The following ARID5B variants were observed in gnomAD, a reference collection of about 807,000 sequenced individuals.
ARID5B encodes the protein AT-rich interactive domain-containing protein 5B.
ARID5B carries 13 observed loss-of-function variants against 97.2 expected under a neutral mutation model. The ratio of observed to expected loss-of-function variants is 0.13; its 90% CI spans 0.09 to 0.21. The LOEUF is 0.21. ARID5B is among the 10% of genes least tolerant of loss of function. The pLI is 1.00. For synonymous variants in ARID5B, 556 were observed against 570.3 expected, an observed-to-expected ratio of 0.97 and a Z score of 0.36; for missense variants, 1,210 against 1,465.3, an observed-to-expected ratio of 0.83 and a Z score of 2.84.
Position 62,080,140 on chromosome 10 carries a change from C to T in ARID5B, c.1200-5562C>T, listed in dbSNP as rs1313288159. 3.9e-5 allele frequency among the ~76,000 whole-genome samples: 6 copies of T among 152,290 alleles called. No homozygotes were observed. In the South Asian group the frequency reaches 6.2e-4, roughly 16 times the overall value. On this transcript the variant is annotated intron_variant, in intron 8 of 9. Coordinates refer to ENST00000279873, the MANE Select transcript of ARID5B (RefSeq NM_032199.3). ...TTCATGTCAGCGTGGCTTCTTACTC[C>T]GTGGTTTGGTGCCCCAGACTTTCAG...
intron 9 of ARID5B, among the ~76,000 whole-genome samples, chr10:62,087,891 GTCTC>G (rs1181359855): frequency 6.7e-6 from 1 of 149,982 alleles, no homozygotes; most frequent in Non-Finnish European, 1.5e-5. Context: ...TTGAGACAGA[GTCTC>G]TCTCTGTCTC....
rs186239648 is a variant in ARID5B, at chr10:62,090,854, G to C, written c.1399-8G>C. 47 of 1,554,352 alleles carry C rather than the reference G, an allele frequency of 3.0e-5. No homozygotes were observed. In the African/African-American group the frequency reaches 4.3e-4, roughly 14 times the overall value. ...TTCTTCTGACTGTCTTTTGAAATAT[G>C]TTACCAGGTTTCATCAGAGCAAGAA... is the stretch of plus-strand genomic sequence containing the variant. On this transcript the variant is annotated splice_region_variant and splice_polypyrimidine_tract_variant and intron_variant, in intron 9 of 9. Coordinates refer to ENST00000279873, the MANE Select transcript of ARID5B (RefSeq NM_032199.3).
intron 4 of ARID5B, among the ~76,000 whole-genome samples, chr10:62,023,201 C>T (rs1006342186): frequency 6.6e-6 from 1 of 152,188 alleles, no homozygotes; most frequent in Admixed American, 6.5e-5. Context: ...GCTTGGTTAG[C>T]AAATAGCTGA....
In ARID5B at chr10:62,091,155, C is replaced by T. The variant is rs1022664261; in HGVS notation, c.1692C>T (p.Leu564=). 7 of 1,614,064 alleles carry T rather than the reference C, an allele frequency of 4.3e-6. No homozygotes were observed. Among genetic ancestry groups the T allele is most frequent in the Middle Eastern group, 1.6e-4 (1 of 6,084 alleles). Reference sequence around the variant, plus strand: ...TCCCTGGGGCCAGCAAACAGCCACTCACCTCTCCTAGTGCCCTGGTGGACT... The same window carrying T: ...TCCCTGGGGCCAGCAAACAGCCACTTACCTCTCCTAGTGCCCTGGTGGACT... ...ALVPGASKQP[L]TSPSALVDSK... is the part of the protein sequence containing the mutation. The change falls in exon 10 of 10, where the codon CTC becomes CTT. Residue 564 remains leucine (L), a synonymous_variant. Transcript: ENST00000279873.
intron 3 of ARID5B, among the ~76,000 whole-genome samples, chr10:61,965,222 C>T (rs1026263068): frequency 1.3e-5 from 2 of 152,052 alleles, no homozygotes; most frequent in African/African-American, 4.8e-5. Context: ...CTTGGCCCAG[C>T]CTTTATTGAA....
chr10:61,987,491 G>A (rs1589247497), intron 3 of ARID5B, among the ~76,000 whole-genome samples: 1 of 152,248 alleles, frequency 6.6e-6, no homozygotes, highest in East Asian at 1.9e-4. Context: ...TAGAAATTAA[G>A]CTGATATTCG....
Position 61,986,647 on chromosome 10 carries a change from A to G in ARID5B, c.503-13444A>G, listed in dbSNP as rs151292883. Among the ~76,000 whole-genome samples, 85 of 152,288 alleles carry G rather than the reference A, an allele frequency of 5.6e-4. 1 individual carries two copies. The highest frequency in any genetic ancestry group is 1.9e-3 in the African/African-American group (80 of 41,566). On this transcript the variant is annotated intron_variant, in intron 3 of 9. Transcript: ENST00000279873. Reference sequence around the variant, plus strand: ...GCATTAAAATGTCCATTAGCATGTTAAAGGCTCCAAGCTGTTTGTGTAACT... The same window carrying G: ...GCATTAAAATGTCCATTAGCATGTTGAAGGCTCCAAGCTGTTTGTGTAACT...
At chr10:61,956,407 G>A (rs1838392212) in intron 3 of ARID5B, among the ~76,000 whole-genome samples, 3 of 152,214 alleles carry the variant, frequency 2.0e-5, no homozygotes, top group African/African-American at 7.2e-5. Flanking sequence ...CTGGTCCCTA[G>A]TGCCAAAAAG....
At chr10:62,053,598 C>T (rs1839819302) in intron 5 of ARID5B, among the ~76,000 whole-genome samples, 4 of 152,128 alleles carry the variant, frequency 2.6e-5, no homozygotes, top group Admixed American at 2.6e-4. Flanking sequence ...GAGGCCCAGG[C>T]CTTTCATAGA....
Position 62,094,414 on chromosome 10 carries a change from A to C in ARID5B, c.*1384A>C, listed in dbSNP as rs192376022. On this transcript the variant is annotated 3_prime_UTR_variant, in exon 10 of 10. Coordinates refer to ENST00000279873, the MANE Select transcript of ARID5B (RefSeq NM_032199.3). The stretch of plus-strand genomic sequence containing the variant: ...TTGGGGATAACTGACATACTGGATT[A>C]GCCTTTTCAAAAGAAAAGTCATCCT... 8 of 230,698 alleles carry C rather than the reference A, an allele frequency of 3.5e-5. No homozygotes were observed. The Admixed American group carries it at 4.0e-4, about 11-fold the overall frequency. 14.3% of individuals were successfully genotyped at this position (230,698 alleles called of 1,614,324 possible).
At chr10:62,038,686 G>T (rs1268535434) in intron 4 of ARID5B, among the ~76,000 whole-genome samples, 1 of 152,182 alleles carries the variant, frequency 6.6e-6, no homozygotes, top group Non-Finnish European at 1.5e-5. Flanking sequence ...GGCTGAAAAT[G>T]TAAATTCTAA....
chr10:61,970,972 A>AGTGTGT (rs55961997), intron 3 of ARID5B, among the ~76,000 whole-genome samples: 74,091 of 150,156 alleles, frequency 0.49, 18,365 homozygotes, highest in Non-Finnish European at 0.54. Flanking sequence ...TTGCTTTTAA[A>AGTGTGT]GTGTGTGTGT....
At chr10:61,920,202 A>G (rs758018170) in intron 2 of ARID5B, among the ~76,000 whole-genome samples, 1 of 152,062 alleles carries the variant, frequency 6.6e-6, no homozygotes. Context: ...ATCTTGCTTC[A>G]GTCTTGGCCA....
intron 3 of ARID5B, among the ~76,000 whole-genome samples, chr10:61,998,403 G>T (rs1385379870): frequency 6.6e-6 from 1 of 152,200 alleles, no homozygotes; most frequent in Admixed American, 6.5e-5. Flanking sequence ...ACATGTCTGG[G>T]AATTGCTTAC....
chr10:62,080,212 A>G (rs1840194100), intron 8 of ARID5B, among the ~76,000 whole-genome samples: 1 of 151,572 alleles, frequency 6.6e-6, no homozygotes. Flanking sequence ...CCTCTTTCTC[A>G]CCTGTCTTGG....
At chr10:62,030,321 G>T (rs1231371774) in intron 4 of ARID5B, among the ~76,000 whole-genome samples, 3 of 152,006 alleles carry the variant, frequency 2.0e-5, no homozygotes, top group African/African-American at 7.3e-5. Context: ...GTAGAGATGG[G>T]GGTTTCACCA....
intron 3 of ARID5B, among the ~76,000 whole-genome samples, chr10:61,980,907 C>T (rs1838768053): frequency 6.6e-6 from 1 of 152,174 alleles, no homozygotes; most frequent in Non-Finnish European, 1.5e-5. Context: ...CAGTAGGTTG[C>T]TCCTCTGGGC....
chr10:62,032,524 G>C (rs1015493995), intron 4 of ARID5B, among the ~76,000 whole-genome samples: 3 of 152,030 alleles, frequency 2.0e-5, no homozygotes, highest in Admixed American at 2.0e-4. Flanking sequence ...AGACCAGCCT[G>C]GCCAACATGG....
intron 7 of ARID5B, among the ~76,000 whole-genome samples, chr10:62,066,616 G>A (rs971338568): frequency 6.6e-6 from 1 of 152,120 alleles, no homozygotes; most frequent in African/African-American, 2.4e-5. Flanking sequence ...AATGCCCAGC[G>A]GTGCTTGATG....
Sources: allele counts gnomAD v4.1 joint callset (sites outside exome capture counted in the v4.1 genomes callset), GRCh38; gene constraint gnomAD v4.1.1; transcripts MANE v1.5; gene names NCBI Gene and HGNC (gene_info 2026-07-23, HGNC 2026-07-21).